LRRFIP1: variants seen among roughly 807,000 people sequenced by gnomAD.
The protein encoded by LRRFIP1 is leucine-rich repeat flightless-interacting protein 1.
A neutral mutation model predicts 104.4 loss-of-function variants in LRRFIP1; 62 were observed. That is an observed-to-expected ratio of 0.59 (90% confidence interval 0.48 to 0.73). The LOEUF (loss-of-function observed/expected upper bound fraction) is 0.73, where lower values mean the gene tolerates loss of function less well. Among genes scored for constraint, LRRFIP1 ranks in the 30% least tolerant of loss-of-function variants. LRRFIP1 has a pLI of 0.00. For synonymous variants in LRRFIP1, 300 were observed against 299.0 expected (o/e 1.00, Z -0.03); for missense variants, 796 against 824.5 (o/e 0.97, Z 0.42).
Position 237,627,712 on chromosome 2 carries a change from A to G in LRRFIP1, c.68A>G (p.Asp23Gly). 7.3e-7 allele frequency: 1 copy of G among 1,363,836 alleles called. No individual in the cohort carries two copies. Among genetic ancestry groups the G allele is most frequent in the Non-Finnish European group, 9.6e-7 (1 of 1,046,756 alleles). The allele number at this position is 1,363,836 out of a possible 1,614,324, so 84.5% of individuals were successfully genotyped here. Residue 23 changes from aspartate (D) to glycine (G), a missense_variant, in exon 1 of 24, where the codon GAC (aspartate) becomes GGC (glycine). Coordinates refer to ENST00000308482, the MANE Select transcript of LRRFIP1 (RefSeq NM_001137550.2). ...LPNRERLTAE[D>G]DALNQIAREA... is the part of the protein sequence containing the mutation. ...AACCGGGAGCGGCTCACGGCGGAGG[A>G]CGACGCGCTCAACCAGATCGCGCGG...
chr2:237,685,109 C>A (rs761911006), intron 1 of LRRFIP1, among the ~76,000 whole-genome samples: 483 of 10,062 alleles, frequency 0.048, 9 homozygotes, highest in East Asian at 0.41. Context: ...TCCCTACCCT[C>A]CCCCCCCCAC....
chr2:237,653,374 G>A (rs1041471061), intron 1 of LRRFIP1, among the ~76,000 whole-genome samples: 1 of 152,184 alleles, frequency 6.6e-6, no homozygotes, highest in Non-Finnish European at 1.5e-5. Context: ...ACAAATAAAT[G>A]TGAAGATATC....
At chr2:237,742,819 G>T (rs1335861838) in intron 11 of LRRFIP1, among the ~76,000 whole-genome samples, 1 of 152,088 alleles carries the variant, frequency 6.6e-6, no homozygotes, top group African/African-American at 2.4e-5. Flanking sequence ...TAAGCGTGGT[G>T]GCAAAGGTGA....
Position 237,777,316 on chromosome 2 carries a change from C to T in LRRFIP1, c.1813-2106C>T, listed in dbSNP as rs57065156. Among the ~76,000 whole-genome samples, 1,326 of 152,160 alleles carry T rather than the reference C, an allele frequency of 8.7e-3. 22 individuals are homozygous for T. The highest frequency in any genetic ancestry group is 0.03 in the African/African-American group (1,253 of 41,508). On this transcript the variant is annotated intron_variant, in intron 23 of 23. Transcript: ENST00000308482. The stretch of plus-strand genomic sequence containing the variant: ...CATATTGGCCATTTTATATGTCTGT[C>T]CTGCTAGTGTCTCAGACTGTACTAG...
intron 1 of LRRFIP1, among the ~76,000 whole-genome samples, chr2:237,698,809 C>A (rs78176700): frequency 6.9e-6 from 1 of 144,862 alleles, no homozygotes; most frequent in Non-Finnish European, 1.5e-5. Context: ...GATGGAGAGA[C>A]GAGAGATCCA....
At chr2:237,670,329 G>C (rs901801756) in intron 1 of LRRFIP1, among the ~76,000 whole-genome samples, 1 of 152,200 alleles carries the variant, frequency 6.6e-6, no homozygotes, top group African/African-American at 2.4e-5. Context: ...TGGTCTGCTG[G>C]GGAGCAGCGG....
In LRRFIP1 at chr2:237,642,946, C is replaced by T. The variant is rs537215419; in HGVS notation, c.96+15206C>T. Among the ~76,000 whole-genome samples the T allele has an allele frequency of 9.8e-5, 15 of 152,352 alleles. No individual in the cohort carries two copies. In the South Asian group the frequency reaches 1.7e-3, roughly 17 times the overall value. On this transcript the variant is annotated intron_variant, in intron 1 of 23. Transcript: ENST00000308482. ...GGAAGGGCTGCAGGGCCAAGTCCGC[C>T]CCCGTTTTACCACCTCCTCTATAAG...
chr2:237,663,683 G>A (rs1157999011), intron 1 of LRRFIP1, among the ~76,000 whole-genome samples: 1 of 152,256 alleles, frequency 6.6e-6, no homozygotes, highest in Admixed American at 6.5e-5. Flanking sequence ...CTGACAGGGT[G>A]CTTGGGGAGG....
chr2:237,681,901 G>C (rs894555271), intron 1 of LRRFIP1, among the ~76,000 whole-genome samples: 1 of 150,318 alleles, frequency 6.7e-6, no homozygotes, highest in Non-Finnish European at 1.5e-5. Flanking sequence ...GGATGGTCTC[G>C]ATCTCCTGAC....
Position 237,766,937 on chromosome 2 carries a change from A to T in LRRFIP1, c.1460-3006A>T, listed in dbSNP as rs1444785774. Among the ~76,000 whole-genome samples, 1 of 152,232 alleles carries T rather than the reference A, an allele frequency of 6.6e-6. No homozygotes were observed. Among genetic ancestry groups the T allele is most frequent in the Non-Finnish European group, 1.5e-5 (1 of 68,038 alleles). ...TATAATCCCAGCACGTGGGAGGCCG[A>T]GGCAGGCAGATCACTTAAGCCCAGG... On this transcript the variant is annotated intron_variant, in intron 19 of 23. Coordinates refer to ENST00000308482, the MANE Select transcript of LRRFIP1 (RefSeq NM_001137550.2). The surrounding 1 kb of genome is among the most constrained non-coding windows in gnomAD (Gnocchi z 4.8).
At position 237,661,525 on chromosome 2, in the gene LRRFIP1, C is replaced by T. The variant is rs2087949184; in HGVS notation, c.96+33785C>T. On this transcript the variant is annotated intron_variant, in intron 1 of 23. Transcript: ENST00000308482. This position sits in a 1 kb window ranked among gnomAD's most constrained non-coding sequence, Gnocchi z 4.4. Reference sequence around the variant, plus strand: ...CCCTTTCCTTCCACCTCGCTCTCGGCCCCTGGTTCACCTTCTGTTCCTGCC... The same window carrying T: ...CCCTTTCCTTCCACCTCGCTCTCGGTCCCTGGTTCACCTTCTGTTCCTGCC... Among the ~76,000 whole-genome samples, 1 of 152,268 alleles carries T rather than the reference C, an allele frequency of 6.6e-6. No homozygotes were observed.
chr2:237,692,407 G>C (rs1289880655), intron 1 of LRRFIP1: 1 of 1,439,990 alleles, frequency 6.9e-7, no homozygotes, highest in South Asian at 1.4e-5. Flanking sequence ...GGCTCCCGGC[G>C]CGGTCCCCGA....
chr2:237,748,996 T>A (rs2058241469), intron 12 of LRRFIP1, among the ~76,000 whole-genome samples: 1 of 152,064 alleles, frequency 6.6e-6, no homozygotes, highest in Non-Finnish European at 1.5e-5. Context: ...GGAGGAACTG[T>A]CAAACACAAA....
At chr2:237,753,593 C>T (rs1166227079) in intron 15 of LRRFIP1, 114 bp downstream of exon 15, 15 of 783,558 alleles carry the variant, frequency 1.9e-5, no homozygotes, top group Non-Finnish European at 2.9e-5. Flanking sequence ...CCCAAGAGTT[C>T]GAGACCAGCC....
intron 23 of LRRFIP1, among the ~76,000 whole-genome samples, chr2:237,775,586 C>G (rs979425853): frequency 6.6e-6 from 1 of 152,198 alleles, no homozygotes; most frequent in African/African-American, 2.4e-5. Flanking sequence ...AATCCCAGCA[C>G]TTTGGGAGGC....
At chr2:237,779,399 C>G (rs530256636) in intron 23 of LRRFIP1, 23 bp from the exon 24 acceptor site, 1 of 1,610,542 alleles carries the variant, frequency 6.2e-7, no homozygotes, top group East Asian at 2.2e-5. Flanking sequence ...CCTTAAAGCT[C>G]ACTGCCTTTC....
At chr2:237,740,803 C>T (rs1336033633) in intron 11 of LRRFIP1, among the ~76,000 whole-genome samples, 1 of 152,172 alleles carries the variant, frequency 6.6e-6, no homozygotes, top group African/African-American at 2.4e-5. Context: ...ACAGCCTCCA[C>T]CCCACCCACT....
chr2:237,707,298 T>C (rs1290463092), intron 1 of LRRFIP1, among the ~76,000 whole-genome samples: 1 of 150,652 alleles, frequency 6.6e-6, no homozygotes, highest in Admixed American at 6.7e-5. Context: ...CCGGTTGTGG[T>C]GGTGCAAACC....
Position 237,691,346 on chromosome 2 carries a change from C to G in LRRFIP1, c.97-17198C>G, listed in dbSNP as rs2092739534. Reference sequence around the variant, plus strand: ...GAGGTGGCGCGGGCTGGAGCCCTCCCGGAGGAGACCGGCGCCTGGCAGGGG... The same window carrying G: ...GAGGTGGCGCGGGCTGGAGCCCTCCGGGAGGAGACCGGCGCCTGGCAGGGG... On this transcript the variant is annotated intron_variant, in intron 1 of 23. Coordinates refer to ENST00000308482, the MANE Select transcript of LRRFIP1 (RefSeq NM_001137550.2). This position sits in a 1 kb window ranked among gnomAD's most constrained non-coding sequence, Gnocchi z 5.4. 6.6e-6 allele frequency among the ~76,000 whole-genome samples: 1 copy of G among 152,172 alleles called. No individual in the cohort carries two copies. Among genetic ancestry groups the G allele is most frequent in the Non-Finnish European group, 1.5e-5 (1 of 68,020 alleles).
Sources: allele counts gnomAD v4.1 joint callset (sites outside exome capture counted in the v4.1 genomes callset), GRCh38; gene constraint gnomAD v4.1.1; non-coding constraint Gnocchi (gnomAD v3.1); transcripts MANE v1.5; gene names NCBI Gene and HGNC (gene_info 2026-07-23, HGNC 2026-07-21).